Variants in CHRM3 observed in about 807,000 individuals in gnomAD.
CHRM3 encodes muscarinic acetylcholine receptor M3.
CHRM3 carries 11 observed loss-of-function variants against 41.8 expected under a neutral mutation model. The observed-to-expected ratio is 0.26, with a 90% confidence interval of 0.17 to 0.44. CHRM3 has a LOEUF of 0.44. CHRM3 is among the 20% of genes least tolerant of loss of function. The probability of loss-of-function intolerance (pLI) is 1.00; values close to 1 mark genes in which losing one functional copy is unlikely to be tolerated. For synonymous variants in CHRM3, 297 were observed against 301.4 expected (o/e 0.99, Z 0.15); for missense variants, 571 against 745.4 (o/e 0.77, Z 2.72).
intron 3 of CHRM3, among the ~76,000 whole-genome samples, chr1:239,566,167 T>C (rs1661347013): frequency 6.6e-6 from 1 of 151,988 alleles, no homozygotes; most frequent in African/African-American, 2.4e-5. Flanking sequence ...TCCCGCCCTC[T>C]CTCCTAGCGT....
At chr1:239,752,620 A>G (rs766638729) in intron 5 of CHRM3, among the ~76,000 whole-genome samples, 6 of 152,212 alleles carry the variant, frequency 3.9e-5, no homozygotes, top group Non-Finnish European at 5.9e-5. Context: ...ATAGAGGATA[A>G]GTACCATGTG....
chr1:239,391,967 C>T (rs1201845536), intron 1 of CHRM3, among the ~76,000 whole-genome samples: 1 of 152,046 alleles, frequency 6.6e-6, no homozygotes, highest in Non-Finnish European at 1.5e-5. Flanking sequence ...TTCTCATGCC[C>T]CCCTCACCTC....
chr1:239,882,690 ACTAAT>A (rs1677742628), intron 6 of CHRM3, among the ~76,000 whole-genome samples: 1 of 152,232 alleles, frequency 6.6e-6, no homozygotes, highest in African/African-American at 2.4e-5. Context: ...TGAAGGAAAA[ACTAAT>A]CTATACTAAA....
intron 1 of CHRM3, among the ~76,000 whole-genome samples, chr1:239,458,216 A>G (rs1016265285): frequency 2.6e-5 from 4 of 152,186 alleles, no homozygotes; most frequent in African/African-American, 9.6e-5. Flanking sequence ...AAACCGAGAA[A>G]AGGGCCTCGT....
chr1:239,488,161 T>G (rs1667310353), intron 1 of CHRM3, among the ~76,000 whole-genome samples: 1 of 152,182 alleles, frequency 6.6e-6, no homozygotes, highest in Non-Finnish European at 1.5e-5. Context: ...GGCATTTGGC[T>G]AATTGCCTAC....
intron 4 of CHRM3, among the ~76,000 whole-genome samples, chr1:239,639,764 C>T (rs1413687271): frequency 6.6e-6 from 1 of 150,566 alleles, no homozygotes; most frequent in Non-Finnish European, 1.5e-5. Context: ...TTTCCTTCTC[C>T]TGCCTAATTG....
chr1:239,537,969 A>G (rs2148371144), intron 2 of CHRM3, among the ~76,000 whole-genome samples: 1 of 152,342 alleles, frequency 6.6e-6, no homozygotes, highest in African/African-American at 2.4e-5. Context: ...TTAAAAGAAA[A>G]TATGCGTGTA....
At chr1:239,808,616 T>G (rs531540309) in intron 5 of CHRM3, among the ~76,000 whole-genome samples, 143 of 152,330 alleles carry the variant, frequency 9.4e-4, no homozygotes, top group African/African-American at 3.3e-3. Flanking sequence ...GGACCAATTC[T>G]TCGTGATAAG....
intron 6 of CHRM3, among the ~76,000 whole-genome samples, chr1:239,871,029 C>T (rs1476153150): frequency 6.6e-6 from 1 of 152,066 alleles, no homozygotes. Flanking sequence ...AGTGTCCTCG[C>T]TTTGAGACGT....
intron 4 of CHRM3, among the ~76,000 whole-genome samples, chr1:239,641,313 A>G (rs1221849590): frequency 1.5e-3 from 224 of 151,410 alleles, no homozygotes; most frequent in Middle Eastern, 6.8e-3. Flanking sequence ...CAATTCCTGG[A>G]TATCCTTGTT....
At chr1:239,544,855 C>G (rs764839986) in intron 2 of CHRM3, among the ~76,000 whole-genome samples, 4 of 152,160 alleles carry the variant, frequency 2.6e-5, no homozygotes, top group Non-Finnish European at 5.9e-5. Context: ...TTGTAGGACA[C>G]GTAGAGCACA....
At chr1:239,832,108 G>A (rs982383002) in intron 6 of CHRM3, among the ~76,000 whole-genome samples, 2 of 152,126 alleles carry the variant, frequency 1.3e-5, no homozygotes, top group Non-Finnish European at 2.9e-5. Context: ...AATGTTTTAC[G>A]GTAAAATCAC....
chr1:239,764,218 T>G (rs994353475), intron 5 of CHRM3, among the ~76,000 whole-genome samples: 3 of 152,212 alleles, frequency 2.0e-5, no homozygotes, highest in African/African-American at 7.2e-5. Flanking sequence ...TGTGGTTATC[T>G]TATGTTGATC....
At chr1:239,594,950 G>A (rs1200984321) in intron 3 of CHRM3, among the ~76,000 whole-genome samples, 5 of 152,130 alleles carry the variant, frequency 3.3e-5, no homozygotes, top group Admixed American at 1.3e-4. Flanking sequence ...TTAGCCGGGC[G>A]TGGTGGCACA....
intron 5 of CHRM3, among the ~76,000 whole-genome samples, chr1:239,689,616 C>T (rs1659514231): frequency 6.6e-6 from 1 of 152,162 alleles, no homozygotes; most frequent in Non-Finnish European, 1.5e-5. Flanking sequence ...ACTACGTCTT[C>T]AGAGAGTTTG....
chr1:239,876,045 C>T (rs1380962524), intron 6 of CHRM3, among the ~76,000 whole-genome samples: 1 of 152,158 alleles, frequency 6.6e-6, no homozygotes, highest in East Asian at 1.9e-4. Context: ...ATTGCCATAC[C>T]TTTCCCACTG....
intron 6 of CHRM3, among the ~76,000 whole-genome samples, chr1:239,903,381 T>C (rs1268731566): frequency 6.6e-6 from 1 of 152,228 alleles, no homozygotes; most frequent in Non-Finnish European, 1.5e-5. Context: ...TAAAAATCTT[T>C]TATTTGTATT....
chr1:239,514,351 T>A (rs1157691307), intron 2 of CHRM3, among the ~76,000 whole-genome samples: 1 of 143,752 alleles, frequency 7.0e-6, no homozygotes, highest in African/African-American at 2.6e-5. Flanking sequence ...TACATTTTTT[T>A]AAGTCTTATT....
intron 1 of CHRM3, among the ~76,000 whole-genome samples, chr1:239,410,645 G>A (rs1176913864): frequency 2.0e-5 from 3 of 152,120 alleles, no homozygotes; most frequent in Non-Finnish European, 4.4e-5. Flanking sequence ...CCTCTCTGGA[G>A]GGGTTCTGCC....
Sources: allele counts gnomAD v4.1 joint callset (sites outside exome capture counted in the v4.1 genomes callset), GRCh38; gene constraint gnomAD v4.1.1; transcripts MANE v1.5; gene names NCBI Gene and HGNC (gene_info 2026-07-23, HGNC 2026-07-21).